AGBL4: variants seen among roughly 807,000 people sequenced by gnomAD.
The protein encoded by AGBL4 is cytosolic carboxypeptidase 6.
AGBL4 carries 58 observed loss-of-function variants against 66.4 expected under a neutral mutation model. That is an observed-to-expected ratio of 0.87 (90% CI 0.71 to 1.09). The LOEUF is 1.09. Ranked by LOEUF, AGBL4 falls within the 50% of genes least tolerant of loss-of-function variation. The pLI is 0.00. For synonymous variants in AGBL4, 234 were observed against 222.9 expected, an observed-to-expected ratio of 1.05 and a Z score of -0.44; for missense variants, 579 against 631.0, an observed-to-expected ratio of 0.92 and a Z score of 0.88.
At chr1:49,258,161 A>G (rs910319274) in intron 3 of AGBL4, among the ~76,000 whole-genome samples, 17 of 152,182 alleles carry the variant, frequency 1.1e-4, no homozygotes, top group Non-Finnish European at 2.5e-4. Flanking sequence ...TCTGTACATC[A>G]CCATCACCAA....
Position 48,966,711 on chromosome 1 carries a change from C to T in AGBL4, c.594+78873G>A, listed in dbSNP as rs117331405. The stretch of plus-strand genomic sequence containing the variant: ...ATTAATAAGTGACATTGGGCAAAGC[C>T]TGTAAGAGACTTTTTTTTTTCTACC... On this transcript the variant is annotated intron_variant, in intron 5 of 13. Transcript: ENST00000371839. Among the ~76,000 whole-genome samples the T allele has an allele frequency of 8.6e-5, 13 of 151,976 alleles. No homozygotes were observed. The East Asian group carries it at 2.1e-3, about 25-fold the overall frequency.
intron 1 of AGBL4, among the ~76,000 whole-genome samples, chr1:49,954,361 C>T (rs1455292478): frequency 6.6e-6 from 1 of 151,972 alleles, no homozygotes; most frequent in African/African-American, 2.4e-5. Context: ...GCCATGAGGG[C>T]TCTGCCCTCA....
intron 6 of AGBL4, among the ~76,000 whole-genome samples, chr1:48,678,806 C>G (rs1290045798): frequency 6.6e-6 from 1 of 152,180 alleles, no homozygotes; most frequent in Non-Finnish European, 1.5e-5. Flanking sequence ...TCTTTAATGC[C>G]AAGTGGAGGA....
At chr1:48,776,574 GTC>G in intron 6 of AGBL4, 1 of 1,372,530 alleles carries the variant, frequency 7.3e-7, no homozygotes, top group Non-Finnish European at 9.4e-7. Flanking sequence ...CCCCGCCCGG[GTC>G]CCACCGTCCC....
At chr1:49,260,606 AG>A (rs1653044643) in intron 3 of AGBL4, among the ~76,000 whole-genome samples, 1 of 152,150 alleles carries the variant, frequency 6.6e-6, no homozygotes, top group South Asian at 2.1e-4. Flanking sequence ...AGACTAAACC[AG>A]GAAGAAGTTG....
chr1:49,151,981 G>A (rs2148121623), intron 4 of AGBL4, among the ~76,000 whole-genome samples: 1 of 151,614 alleles, frequency 6.6e-6, no homozygotes, highest in East Asian at 1.9e-4. Context: ...ACTGGAAAGA[G>A]AGACAATAAG....
chr1:49,352,112 C>A (rs1230527767), intron 3 of AGBL4, among the ~76,000 whole-genome samples: 2 of 152,186 alleles, frequency 1.3e-5, no homozygotes, highest in Non-Finnish European at 2.9e-5. Flanking sequence ...CCTTTAAGAT[C>A]CGGCTTAAAC....
intron 2 of AGBL4, among the ~76,000 whole-genome samples, chr1:49,745,257 T>C (rs1363301814): frequency 3.9e-5 from 6 of 152,186 alleles, no homozygotes; most frequent in Middle Eastern, 3.4e-3. Flanking sequence ...CTTTATCTGA[T>C]TGTTTCACGT....
At chr1:49,556,662 C>T (rs1643905912) in intron 3 of AGBL4, among the ~76,000 whole-genome samples, 1 of 152,068 alleles carries the variant, frequency 6.6e-6, no homozygotes, top group African/African-American at 2.4e-5. Context: ...GGATCCCGCG[C>T]AGGGGCCGCA....
chr1:48,951,092 A>G (rs374019479), intron 5 of AGBL4, among the ~76,000 whole-genome samples: 2 of 152,308 alleles, frequency 1.3e-5, no homozygotes, highest in African/African-American at 4.8e-5. Context: ...GAGGGGAAGT[A>G]ACTAGACCAA....
At chr1:48,798,616 T>C (rs1285368547) in intron 6 of AGBL4, among the ~76,000 whole-genome samples, 1 of 152,224 alleles carries the variant, frequency 6.6e-6, no homozygotes. Flanking sequence ...TTTTCTGATG[T>C]CATCTTCCAG....
At chr1:49,234,695 G>T (rs1650582849) in intron 4 of AGBL4, among the ~76,000 whole-genome samples, 1 of 152,014 alleles carries the variant, frequency 6.6e-6, no homozygotes. Context: ...TCAGGAGTTG[G>T]GTAACCAATT....
intron 6 of AGBL4, among the ~76,000 whole-genome samples, chr1:48,738,080 C>T (rs985229843): frequency 4.6e-5 from 7 of 152,294 alleles, no homozygotes; most frequent in African/African-American, 1.4e-4. Context: ...AATTAAAGAT[C>T]TTTCTACTAC....
intron 3 of AGBL4, among the ~76,000 whole-genome samples, chr1:49,356,265 T>C (rs530113490): frequency 4.6e-5 from 7 of 152,176 alleles, no homozygotes; most frequent in Admixed American, 2.6e-4. Flanking sequence ...TCATCATGAC[T>C]TCTTTTTGTA....
chr1:49,764,809 C>T (rs189265387), intron 2 of AGBL4, among the ~76,000 whole-genome samples: 3 of 152,240 alleles, frequency 2.0e-5, no homozygotes, highest in Admixed American at 2.0e-4. Context: ...AGGTTATGCC[C>T]TTAAACCACT....
chr1:48,536,034 C>G (rs1643965535), intron 12 of AGBL4, among the ~76,000 whole-genome samples: 1 of 152,062 alleles, frequency 6.6e-6, no homozygotes, highest in Non-Finnish European at 1.5e-5. Context: ...TGACAATACA[C>G]CACAGGACAT....
chr1:49,133,813 A>ATACT (rs1645950373), intron 4 of AGBL4, among the ~76,000 whole-genome samples: 1 of 152,146 alleles, frequency 6.6e-6, no homozygotes, highest in Non-Finnish European at 1.5e-5. Context: ...TATAAGAGCA[A>ATACT]TACTTAGAAA....
chr1:49,138,586 A>T (rs1288902872), intron 4 of AGBL4, among the ~76,000 whole-genome samples: 1 of 152,128 alleles, frequency 6.6e-6, no homozygotes, highest in Non-Finnish European at 1.5e-5. Context: ...GTCAAAGGCA[A>T]TGCTGTCCTC....
At chr1:49,105,122 A>G (rs1645268910) in intron 4 of AGBL4, among the ~76,000 whole-genome samples, 1 of 152,180 alleles carries the variant, frequency 6.6e-6, no homozygotes, top group South Asian at 2.1e-4. Context: ...CATTGACATT[A>G]AGAGTATAGC....
Sources: gnomAD v4.1 joint callset for allele counts (sites outside exome capture counted in the v4.1 genomes callset) on GRCh38, gnomAD v4.1.1 for gene constraint, MANE v1.5 for transcripts, NCBI Gene and HGNC (gene_info 2026-07-23, HGNC 2026-07-21) for gene names.